THSD7B: variants seen among roughly 807,000 people sequenced by gnomAD.
The protein encoded by THSD7B is thrombospondin type 1 domain containing 7B.
Under a neutral mutation model 213.6 loss-of-function variants are expected in THSD7B, and 138 were observed. The observed-to-expected ratio is 0.65, with a 90% CI of 0.56 to 0.74. THSD7B has a LOEUF of 0.74. Among genes scored for constraint, THSD7B ranks in the 30% least tolerant of loss-of-function variants. THSD7B has a pLI of 0.00. For synonymous variants in THSD7B, 742 were observed against 687.0 expected (o/e 1.08, Z -1.25); for missense variants, 1,931 against 1,991.5 (o/e 0.97, Z 0.58).
At chr2:137,554,311 G>A (rs985115608) in intron 15 of THSD7B, among the ~76,000 whole-genome samples, 7 of 151,830 alleles carry the variant, frequency 4.6e-5, no homozygotes, top group Non-Finnish European at 2.9e-5. Context: ...TATGTCTTGC[G>A]AAAAATATGC....
intron 17 of THSD7B, among the ~76,000 whole-genome samples, chr2:137,601,997 G>T (rs1337666070): frequency 6.6e-6 from 1 of 152,194 alleles, no homozygotes; most frequent in African/African-American, 2.4e-5. Flanking sequence ...TGTTCACTGT[G>T]TCTGAGTTCC....
intron 12 of THSD7B, among the ~76,000 whole-genome samples, chr2:137,307,171 C>A (rs1683770138): frequency 6.6e-6 from 1 of 152,126 alleles, no homozygotes; most frequent in African/African-American, 2.4e-5. Context: ...GTCAGCAGCT[C>A]TTTCAGTTCT....
chr2:137,397,454 G>C (rs1686222634), intron 12 of THSD7B, among the ~76,000 whole-genome samples: 1 of 151,892 alleles, frequency 6.6e-6, no homozygotes, highest in Non-Finnish European at 1.5e-5. Context: ...GAAATTCTGG[G>C]TTGAAAATTC....
intron 14 of THSD7B, among the ~76,000 whole-genome samples, chr2:137,441,918 G>GC: frequency 6.6e-6 from 1 of 151,948 alleles, no homozygotes; most frequent in East Asian, 1.9e-4. Context: ...AATAATGAAA[G>GC]AATATTTCTA....
chr2:137,580,656 C>G (rs911307933), intron 17 of THSD7B, among the ~76,000 whole-genome samples: 24 of 152,174 alleles, frequency 1.6e-4, no homozygotes, highest in African/African-American at 5.8e-4. Context: ...TAAAGAAATA[C>G]CTGAGATTGG....
chr2:137,516,180 GCTAA>G (rs1680064401), intron 15 of THSD7B, among the ~76,000 whole-genome samples: 1 of 147,364 alleles, frequency 6.8e-6, no homozygotes, highest in Non-Finnish European at 1.5e-5. Flanking sequence ...TCTGACATGG[GCTAA>G]CTAATCACGG....
At chr2:137,668,604 G>T (rs907371640) in intron 27 of THSD7B, among the ~76,000 whole-genome samples, 4 of 151,942 alleles carry the variant, frequency 2.6e-5, no homozygotes, top group Non-Finnish European at 5.9e-5. Flanking sequence ...ATGTGAGGAG[G>T]ACTGGGGTGC....
chr2:137,281,205 T>A (rs888473075), intron 12 of THSD7B, among the ~76,000 whole-genome samples: 1 of 152,156 alleles, frequency 6.6e-6, no homozygotes, highest in Non-Finnish European at 1.5e-5. Context: ...TTAGTTTTTG[T>A]CACAGTTTTC....
chr2:137,569,729 TC>T (rs1558843443), intron 16 of THSD7B, among the ~76,000 whole-genome samples: 1 of 152,122 alleles, frequency 6.6e-6, no homozygotes, highest in Non-Finnish European at 1.5e-5. Flanking sequence ...CCGTCTACTT[TC>T]CATTTCTTGT....
intron 2 of THSD7B, among the ~76,000 whole-genome samples, chr2:136,960,509 G>A (rs903107750): frequency 6.6e-6 from 1 of 152,050 alleles, no homozygotes; most frequent in South Asian, 2.1e-4. Flanking sequence ...CAGTAAATAC[G>A]GGGTAACTGT....
chr2:137,540,106 G>C (rs1680583508), intron 15 of THSD7B, among the ~76,000 whole-genome samples: 1 of 151,616 alleles, frequency 6.6e-6, no homozygotes, highest in African/African-American at 2.4e-5. Context: ...TGCAGATAAT[G>C]AGCTCTTGTT....
intron 15 of THSD7B, among the ~76,000 whole-genome samples, chr2:137,477,349 A>G (rs1012595072): frequency 6.6e-6 from 1 of 152,138 alleles, no homozygotes; most frequent in African/African-American, 2.4e-5. Flanking sequence ...TTCTGTTTGC[A>G]TATAATATCT....
chr2:136,910,639 G>A (rs1684240997), intron 2 of THSD7B, among the ~76,000 whole-genome samples: 2 of 152,094 alleles, frequency 1.3e-5, no homozygotes, highest in Admixed American at 1.3e-4. Flanking sequence ...GAATCAAAGT[G>A]CTTTGCATAC....
At chr2:137,391,505 T>A (rs190818911) in intron 12 of THSD7B, among the ~76,000 whole-genome samples, 1 of 151,988 alleles carries the variant, frequency 6.6e-6, no homozygotes, top group Non-Finnish European at 1.5e-5. Flanking sequence ...CTGGCCAACA[T>A]AGTGAAGCCC....
intron 15 of THSD7B, among the ~76,000 whole-genome samples, chr2:137,536,056 C>T (rs1000150446): frequency 2.0e-5 from 3 of 150,044 alleles, no homozygotes; most frequent in Admixed American, 6.6e-5. Flanking sequence ...GTGAGTCACT[C>T]TCCTACTCAA....
At chr2:137,026,489 T>C (rs1334513035) in intron 2 of THSD7B, among the ~76,000 whole-genome samples, 4 of 152,218 alleles carry the variant, frequency 2.6e-5, no homozygotes, top group African/African-American at 9.6e-5. Flanking sequence ...TGAGAGTCCA[T>C]GGTTTTTTAT....
At position 136,907,000 on chromosome 2, in the gene THSD7B, A is replaced by AGTG. The variant is rs201349224; in HGVS notation, c.139+24687_139+24689dup. On this transcript the variant is annotated intron_variant, in intron 2 of 27. Transcript: ENST00000409968. Reference sequence around the variant, plus strand: ...GACTTTGTCACCCAAGCTGGAGTGCAGTGGTGTGATCTTGGCTCACTGCAA... The same window carrying AGTG: ...GACTTTGTCACCCAAGCTGGAGTGCAGTGGTGGTGTGATCTTGGCTCACTGCAA... Among the ~76,000 whole-genome samples the AGTG allele has an allele frequency of 6.5e-3, 744 of 115,292 alleles. 8 individuals carry two copies. Among genetic ancestry groups the AGTG allele is most frequent in the African/African-American group, 0.024 (718 of 29,896 alleles). 75.6% of individuals were successfully genotyped at this position (115,292 alleles called of 152,430 possible).
In THSD7B at chr2:137,411,697, C is replaced by A; in HGVS notation, c.2784C>A (p.Ser928=). The A allele has an allele frequency of 1.2e-6, 2 of 1,613,910 alleles. No individual in the cohort carries two copies. The highest frequency in any genetic ancestry group is 1.7e-6 in the Non-Finnish European group (2 of 1,179,886). Residue 928 remains serine, a synonymous_variant, in exon 14 of 28, where the codon TCC becomes TCA. Transcript: ENST00000409968. ...TELCPCDEFI[S]QPYGNWSDCI... ...TATGTCCTTGTGATGAATTTATATC[C>A]CAACCTTATGGAAACTGGTCAGATT...
At chr2:137,356,967 GACAC>G (rs3048465) in intron 12 of THSD7B, among the ~76,000 whole-genome samples, 30,841 of 140,688 alleles carry the variant, frequency 0.22, 3,317 homozygotes, top group Non-Finnish European at 0.24. Flanking sequence ...CACACACACA[GACAC>G]ACACACACAC....
Sources: gnomAD v4.1 joint callset for allele counts (sites outside exome capture counted in the v4.1 genomes callset) on GRCh38, gnomAD v4.1.1 for gene constraint, MANE v1.5 for transcripts, NCBI Gene and HGNC (gene_info 2026-07-23, HGNC 2026-07-21) for gene names.